Variants in SRPK3 observed in about 807,000 individuals in gnomAD.
SRPK3 encodes SRSF protein kinase 3.
Under a neutral mutation model 45.3 loss-of-function variants are expected in SRPK3, and 26 were observed. The ratio of observed to expected loss-of-function variants is 0.57; its 90% CI spans 0.42 to 0.80. SRPK3 has a LOEUF of 0.80. SRPK3 is among the 30% of genes least tolerant of loss of function. The pLI is 0.00. For missense variants in SRPK3, 536 were observed against 514.5 expected, an observed-to-expected ratio of 1.04 and a Z score of -0.40; for synonymous variants, 254 against 226.6, an observed-to-expected ratio of 1.12 and a Z score of -1.09.
At chrX:153,782,278 A>G (rs1301651468) in intron 5 of SRPK3, 70 bp downstream of exon 5, 1 of 958,953 alleles carries the variant, frequency 1.0e-6, no homozygotes, top group Admixed American at 2.2e-5. Context: ...CCTCGCTGCT[A>G]GAGCCTGTCT....
At chrX:153,784,246 G>C (rs1557068129) in intron 10 of SRPK3, 33 bp downstream of exon 10, 3 of 1,210,750 alleles carry the variant, frequency 2.5e-6, no homozygotes, top group Admixed American at 2.2e-5. Context: ...GGCAGGCAGG[G>C]CTGGCAGTAG....
At position 153,784,102 on chromosome X, in the gene SRPK3, G is replaced by A. The variant is rs200177007; in HGVS notation, c.1036G>A (p.Ala346Thr). 51 of 1,209,335 alleles carry A rather than the reference G, an allele frequency of 4.2e-5. No homozygotes were observed. The highest frequency in any genetic ancestry group is 4.1e-4 in the Admixed American group (19 of 45,935). Residue 346 changes from alanine to threonine, a missense_variant, in exon 10 of 15, where the codon GCG becomes ACG. Coordinates refer to ENST00000370101, the MANE Select transcript of SRPK3 (RefSeq NM_014370.4). ...PAPGGGRSLS[A>T]GSQTSGFSGS... ...CCCAGGGGGCGGCCGTAGCCTCAGCGCGGGCTCACAGACCTCAGGCTTCTC... is the reference window on the plus strand; with the variant it reads ...CCCAGGGGGCGGCCGTAGCCTCAGCACGGGCTCACAGACCTCAGGCTTCTC...
Position 153,784,203 on chromosome X carries a change from G to A in SRPK3, c.1137G>A (p.Leu379=), listed in dbSNP as rs782479448. The A allele has an allele frequency of 8.3e-7, 1 of 1,209,678 alleles. No homozygotes were observed. Among genetic ancestry groups the A allele is most frequent in the East Asian group, 3.0e-5 (1 of 33,762 alleles). ...ATCAGCGAGAGACCGGGGGCCTCCT[G>A]TCGCCTAGCAGTAAGTTGGGTGGCA... is the stretch of plus-strand genomic sequence containing the variant. The part of the protein sequence containing the change: ...SSNQRETGGL[L]SPSTPFGASN... The change falls in exon 10 of 15, where the codon CTG becomes CTA. Residue 379 remains leucine, a synonymous_variant. Coordinates refer to ENST00000370101, the MANE Select transcript of SRPK3 (RefSeq NM_014370.4).
intron 6 of SRPK3, 25 bp from the exon 7 acceptor site, chrX:153,782,928 G>C: frequency 1.7e-6 from 2 of 1,193,569 alleles, no homozygotes; most frequent in South Asian, 3.7e-5. Flanking sequence ...GGGAGTTGGA[G>C]GAGGTCAGGT....
In SRPK3 at chrX:153,785,071, C is replaced by T. The variant is rs1557068567; in HGVS notation, c.1427-10C>T. 5.0e-6 allele frequency: 6 copies of T among 1,210,476 alleles called. No homozygotes were observed. The highest frequency in any genetic ancestry group is 1.7e-5 in the African/African-American group (1 of 57,712). On this transcript the variant is annotated splice_polypyrimidine_tract_variant and intron_variant, in intron 13 of 14. Transcript: ENST00000370101. ...CCTGCCTGCCCCCAACCTCCTCTTT[C>T]TGCCCACAGACCACATCGCTCACAT...
chrX:153,782,739 G>C (rs781870624), intron 5 of SRPK3, 33 bp from the exon 6 acceptor site: 1 of 1,165,255 alleles, frequency 8.6e-7, no homozygotes. Context: ...GCCGCAGCTG[G>C]TGTCCACTGG....
chrX:153,782,755 C>T lies in SRPK3; in HGVS notation c.476-17C>T. 8.4e-7 allele frequency: 1 copy of T among 1,190,274 alleles called. No homozygotes were observed. Among genetic ancestry groups the T allele is most frequent in the Non-Finnish European group, 1.1e-6 (1 of 882,260 alleles). ...CCGCAGCTGGTGTCCACTGGCCGCC[C>T]TTCACTCCCAGCCCAGATGTGTGCA... On this transcript the variant is annotated splice_polypyrimidine_tract_variant and intron_variant, in intron 5 of 14. Transcript: ENST00000370101.
In SRPK3 at chrX:153,783,751, G is replaced by A. The variant is rs2092066250; in HGVS notation, c.775-1G>A. ...CCCTGGGGTGACCCTGGCTCTGACA[G>A]CAGACCGGTAAGCTGTCCAAAAACA... On this transcript the variant is annotated splice_acceptor_variant, in intron 8 of 14. Coordinates refer to ENST00000370101, the MANE Select transcript of SRPK3 (RefSeq NM_014370.4). LOFTEE classifies it high-confidence loss of function. The A allele has an allele frequency of 8.3e-7, 1 of 1,209,561 alleles. No individual in the cohort carries two copies. Among genetic ancestry groups the A allele is most frequent in the Non-Finnish European group, 1.1e-6 (1 of 895,208 alleles).
Position 153,782,106 on chromosome X carries a change from T to C in SRPK3, c.388-15T>C. 8.3e-7 allele frequency: 1 copy of C among 1,206,042 alleles called. No individual in the cohort carries two copies. Among genetic ancestry groups the C allele is most frequent in the Non-Finnish European group, 1.1e-6 (1 of 890,438 alleles). On this transcript the variant is annotated splice_polypyrimidine_tract_variant and intron_variant, in intron 4 of 14. Coordinates refer to ENST00000370101, the MANE Select transcript of SRPK3 (RefSeq NM_014370.4). ...CAGGGTGGAACCATCTGTGGCCCCT[T>C]GGCTTTTGCTCCAGGTCCGGGACAG...
In SRPK3 at chrX:153,784,870, G is replaced by A. The variant is rs781852036; in HGVS notation, c.1356+13G>A. The A allele has an allele frequency of 5.0e-6, 6 of 1,210,794 alleles. No individual in the cohort carries two copies. Among genetic ancestry groups the A allele is most frequent in the Admixed American group, 4.3e-5 (2 of 46,133 alleles). On this transcript the variant is annotated intron_variant, in intron 12 of 14. Coordinates refer to ENST00000370101, the MANE Select transcript of SRPK3 (RefSeq NM_014370.4). Reference sequence around the variant, plus strand: ...CACAGCCTGCATGGTACGCCCGCCCGGGCTGCCCTGTGCCCAGGGCCAGCA... The same window carrying A: ...CACAGCCTGCATGGTACGCCCGCCCAGGCTGCCCTGTGCCCAGGGCCAGCA...
chrX:153,782,078 G>A (rs2092055550), intron 4 of SRPK3, 43 bp from the exon 5 acceptor site: 2 of 1,139,988 alleles, frequency 1.8e-6, no homozygotes, highest in Admixed American at 2.2e-5. Context: ...GTGGGCTTCA[G>A]GGCAGGGTGG....
rs782203985 is a variant in SRPK3 at position 153,784,712 on chromosome X, T to C, written c.1249-38T>C. 5 of 1,060,036 alleles carry C rather than the reference T, an allele frequency of 4.7e-6. No homozygotes were observed. The African/African-American group carries it at 5.3e-5, about 11-fold the overall frequency. The allele number at this position is 1,060,036 out of a possible 1,213,427, so 87.4% of individuals were successfully genotyped here. On this transcript the variant is annotated intron_variant, in intron 11 of 14. Coordinates refer to ENST00000370101, the MANE Select transcript of SRPK3 (RefSeq NM_014370.4). ...GGAGTCCGTGGGGGCAGGACAGCCT[T>C]GGCCCCAGCCCGTCCCCAGGGCTCC... is the stretch of plus-strand genomic sequence containing the variant.
chrX:153,781,168 G>C, intron 1 of SRPK3, 23 bp downstream of exon 1: 1 of 1,177,296 alleles, frequency 8.5e-7, no homozygotes, highest in Non-Finnish European at 1.1e-6. Context: ...TGGGGCACCC[G>C]GAGCCCCTGG....
At chrX:153,783,196 CCCCCCA>C in intron 7 of SRPK3, 24 bp from the exon 8 acceptor site, 1 of 962,668 alleles carries the variant, frequency 1.0e-6, no homozygotes, top group Non-Finnish European at 1.4e-6. Flanking sequence ...CTCCCTGTCC[CCCCCCA>C]CCGCTCCCCA....
Position 153,783,077 on chromosome X carries a change from A to G in SRPK3, c.707A>G (p.Glu236Gly), listed in dbSNP as rs1339671001. 3 of 1,167,001 alleles carry G rather than the reference A, an allele frequency of 2.6e-6. No individual in the cohort carries two copies. The highest frequency in any genetic ancestry group is 3.6e-5 in the African/African-American group (2 of 55,953). ...YIRRLAAEAT[E>G]WQQAGAPPPS... ...AGGCGCCTGGCTGCCGAGGCCACGG[A>G]GTGGCAACAGGCAGGGGCGCCGCCC... The change falls in exon 7 of 15, where the codon GAG (glutamate) becomes GGG (glycine). Residue 236 changes from glutamate to glycine, a missense_variant. Physicochemically the swap from Glu to Gly is moderately conservative, Grantham distance 98. Coordinates refer to ENST00000370101, the MANE Select transcript of SRPK3 (RefSeq NM_014370.4).
Position 153,781,620 on chromosome X carries a change from G to A in SRPK3, c.299+7G>A. 2.5e-6 allele frequency: 3 copies of A among 1,205,534 alleles called. No homozygotes were observed. Among genetic ancestry groups the A allele is most frequent in the Non-Finnish European group, 3.4e-6 (3 of 891,755 alleles). On this transcript the variant is annotated splice_region_variant and intron_variant, in intron 3 of 14. Coordinates refer to ENST00000370101, the MANE Select transcript of SRPK3 (RefSeq NM_014370.4). ...GGCTCTGCTGGGACATCCAGTGAGT[G>A]CCTCCTTCGCCTCCGGGGCCCAGCA... is the stretch of plus-strand genomic sequence containing the variant.
chrX:153,785,195 G>A (rs782792591), intron 14 of SRPK3, 22 bp downstream of exon 14: 83 of 1,193,524 alleles, frequency 7.0e-5, no homozygotes, highest in Non-Finnish European at 8.6e-5. Flanking sequence ...GGCAGCCTCA[G>A]GCCATGTGGC....
At chrX:153,781,968 G>C in intron 4 of SRPK3, 138 bp downstream of exon 4, 2 of 905,519 alleles carry the variant, frequency 2.2e-6, no homozygotes, top group Non-Finnish European at 3.1e-6. Context: ...TGTGCCCAAG[G>C]GGGAGGATCT....
chrX:153,784,816 G>A lies in SRPK3; in HGVS notation c.1315G>A (p.Glu439Lys), dbSNP rs782357960. 2.9e-5 allele frequency: 35 copies of A among 1,210,609 alleles called. No individual in the cohort carries two copies. Among genetic ancestry groups the A allele is most frequent in the East Asian group, 5.9e-5 (2 of 33,807 alleles). The change falls in exon 12 of 15, where the codon GAA (glutamate) becomes AAA (lysine). Residue 439 changes from glutamate to lysine, a missense_variant. Glu to Lys is a moderately conservative substitution (Grantham distance 56). Coordinates refer to ENST00000370101, the MANE Select transcript of SRPK3 (RefSeq NM_014370.4). ...YRAVEVLIGA[E>K]YGPPADIWST... ...GGCCGTCGAGGTGCTGATCGGCGCC[G>A]AATACGGCCCCCCGGCAGACATCTG...
Sources: allele counts gnomAD v4.1 joint callset, GRCh38; gene constraint gnomAD v4.1.1; transcripts MANE v1.5; gene names NCBI Gene and HGNC (gene_info 2026-07-23, HGNC 2026-07-21).